The following CUX1 variants were observed in gnomAD, a reference collection of about 807,000 sequenced individuals.
The protein encoded by CUX1 is cut like homeobox 1, also known as protein CASP.
Under a neutral mutation model 158.8 loss-of-function variants are expected in CUX1, and 31 were observed. The observed-to-expected ratio is 0.20, with a 90% confidence interval of 0.15 to 0.26. CUX1 has a LOEUF of 0.26. Ranked by LOEUF, CUX1 falls within the 10% of genes least tolerant of loss-of-function variation. CUX1 has a pLI of 1.00. For missense variants in CUX1, 1,589 were observed against 2,014.6 expected (o/e 0.79, Z 4.04); for synonymous variants, 879 against 862.1 (o/e 1.02, Z -0.34).
rs1202561220 is a variant in CUX1 at position 101,984,127 on chromosome 7, TATACAC to T, written c.142-43969_142-43964del. 9.8e-4 allele frequency among the ~76,000 whole-genome samples: 28 copies of T among 28,550 alleles called. 1 individual carries two copies. The highest frequency in any genetic ancestry group is 3.3e-3 in the African/African-American group (28 of 8,378). The allele number at this position is 28,550 out of a possible 152,430, so 18.7% of individuals were successfully genotyped here. A position where few individuals can be genotyped will look rare whatever the true frequency, so the allele number is the denominator to read the frequency against. On this transcript the variant is annotated intron_variant, in intron 2 of 23. Coordinates refer to ENST00000292535, the MANE Select transcript of CUX1 (RefSeq NM_181552.4). ...ATATATATATATATATATATATATA[TATACAC>T]ACACACATATATATATGTGTGTGTG...
Position 102,257,807 on chromosome 7 carries a change from T to C in CUX1, c.*8765T>C, listed in dbSNP as rs573468223. 3.1e-4 allele frequency: 302 copies of C among 984,980 alleles called. No individual in the cohort carries two copies. The highest frequency in any genetic ancestry group is 3.6e-4 in the Non-Finnish European group (296 of 829,876). 61.0% of individuals were successfully genotyped at this position (984,980 alleles called of 1,614,324 possible). On this transcript the variant is annotated 3_prime_UTR_variant, in exon 24 of 24. Transcript: ENST00000292535. ...AAGTCTTAGATCTTTCTAGAGCTTG[T>C]TTGTTCATCCTCACAATCACAGATT...
chr7:102,233,013 A>T (rs551301530), intron 21 of CUX1, among the ~76,000 whole-genome samples: 1 of 152,140 alleles, frequency 6.6e-6, no homozygotes, highest in South Asian at 2.1e-4. Context: ...AACCTTGCTA[A>T]TTGTGGAAGG....
In CUX1 at chr7:101,837,828, CAAAAAAAAAAAAAAAAAAA is replaced by C. The variant is rs200090006; in HGVS notation, c.30+20171_30+20189del. 4.4e-3 allele frequency among the ~76,000 whole-genome samples: 195 copies of C among 44,390 alleles called. 1 individual carries two copies. The East Asian group carries it at 0.12, about 28-fold the overall frequency. 29.1% of individuals were successfully genotyped at this position (44,390 alleles called of 152,430 possible). On this transcript the variant is annotated intron_variant, in intron 1 of 23. Transcript: ENST00000292535. ...CCTGGGTGACAGAACGAGACCCTGT[CAAAAAAAAAAAAAAAAAAA>C]AAAAAAAAAAAGGATACCAAAATTC... is the stretch of plus-strand genomic sequence containing the variant.
At position 102,065,050 on chromosome 7, in the gene CUX1, G is replaced by T. The variant is rs1825388885; in HGVS notation, c.190-5289G>T. ...ACCACAGACTGGGTGAGCTGCAGAG[G>T]GAGGATGGACTAAACTCCAACTTCA... On this transcript the variant is annotated intron_variant, in intron 3 of 23. Transcript: ENST00000292535. 3.3e-5 allele frequency among the ~76,000 whole-genome samples: 5 copies of T among 152,108 alleles called. No individual in the cohort carries two copies. In the South Asian group the frequency reaches 1.0e-3, roughly 32 times the overall value.
chr7:101,870,998 A>C (rs1377939097), intron 1 of CUX1, among the ~76,000 whole-genome samples: 2 of 152,258 alleles, frequency 1.3e-5, no homozygotes, highest in East Asian at 3.8e-4. Context: ...CAGGGGCTGC[A>C]GATGAGTAGG....
intron 1 of CUX1, among the ~76,000 whole-genome samples, chr7:101,844,433 T>C (rs755573942): frequency 1.4e-4 from 22 of 152,136 alleles, no homozygotes; most frequent in Non-Finnish European, 2.5e-4. Context: ...GGATGTAAAA[T>C]TGTAGGTCAA....
intron 2 of CUX1, among the ~76,000 whole-genome samples, chr7:101,917,180 A>G (rs1328314132): frequency 6.6e-6 from 1 of 152,212 alleles, no homozygotes; most frequent in Non-Finnish European, 1.5e-5. Context: ...GCTCCTTTCT[A>G]GGAGAGATGC....
chr7:102,063,383 C>T (rs201658481), intron 3 of CUX1, among the ~76,000 whole-genome samples: 44 of 89,266 alleles, frequency 4.9e-4, no homozygotes, highest in Middle Eastern at 0.011. Flanking sequence ...ATTTCCTTTT[C>T]TTTTTTTTTT....
intron 3 of CUX1, among the ~76,000 whole-genome samples, chr7:102,044,959 G>A (rs1055076231): frequency 1.7e-4 from 26 of 152,200 alleles, no homozygotes; most frequent in Admixed American, 1.4e-3. Flanking sequence ...TTCTCAGCCA[G>A]TATGTCTGTC....
intron 4 of CUX1, among the ~76,000 whole-genome samples, chr7:102,091,091 A>C (rs1427601864): frequency 6.6e-6 from 1 of 152,042 alleles, no homozygotes; most frequent in African/African-American, 2.4e-5. Flanking sequence ...TTTGCCCATC[A>C]GTATATAGAT....
chr7:102,111,629 C>T, intron 6 of CUX1, 69 bp from the exon 7 acceptor site: 2 of 1,425,760 alleles, frequency 1.4e-6, no homozygotes, highest in Non-Finnish European at 9.9e-7. Context: ...TGAGCTCAGC[C>T]GAAAGGCACA....
At chr7:102,115,310 A>AT in intron 8 of CUX1, 37 bp downstream of exon 8, 4 of 1,576,784 alleles carry the variant, frequency 2.5e-6, no homozygotes, top group Non-Finnish European at 3.4e-6. Flanking sequence ...ATCCGTACAC[A>AT]TTTCTCACCT....
At chr7:101,821,854 T>G (rs1318060748) in intron 1 of CUX1, among the ~76,000 whole-genome samples, 5 of 139,194 alleles carry the variant, frequency 3.6e-5, no homozygotes, top group Admixed American at 1.4e-4. Context: ...TTTTTGTTTT[T>G]TTGTTTTTTT....
At chr7:101,827,520 A>G (rs1793479712) in intron 1 of CUX1, among the ~76,000 whole-genome samples, 1 of 151,974 alleles carries the variant, frequency 6.6e-6, no homozygotes, top group South Asian at 2.1e-4. Flanking sequence ...TTTGTTGCCC[A>G]GGCTGGTCTT....
chr7:101,829,871 G>C (rs926443632), intron 1 of CUX1, among the ~76,000 whole-genome samples: 2 of 151,918 alleles, frequency 1.3e-5, no homozygotes, highest in East Asian at 1.9e-4. Context: ...GCTGTAAGGA[G>C]CCCCCCTGTT....
intron 9 of CUX1, 103 bp downstream of exon 9, chr7:102,158,711 CA>C (rs1790071525): frequency 9.3e-7 from 1 of 1,072,192 alleles, no homozygotes; most frequent in East Asian, 2.4e-5. Context: ...GTTATCCTTC[CA>C]TTTTTTACTG....
intron 4 of CUX1, among the ~76,000 whole-genome samples, chr7:102,080,897 T>C (rs1554478500): frequency 6.6e-6 from 1 of 152,210 alleles, no homozygotes; most frequent in Admixed American, 6.5e-5. Context: ...AAACAAGCCC[T>C]AGACTGGCCC....
At chr7:102,223,141 G>A (rs1798004494) in intron 20 of CUX1, among the ~76,000 whole-genome samples, 1 of 151,846 alleles carries the variant, frequency 6.6e-6, no homozygotes, top group Non-Finnish European at 1.5e-5. Flanking sequence ...TGTGGGAAGT[G>A]GCCGGGCACA....
chr7:102,282,623 A>T, intron 21 of CUX1: 2 of 1,407,972 alleles, frequency 1.4e-6, no homozygotes, highest in Non-Finnish European at 2.0e-6. Flanking sequence ...GAGAACCTTT[A>T]TGTTCCAGGC....
Sources: gnomAD v4.1 joint callset for allele counts (sites outside exome capture counted in the v4.1 genomes callset) on GRCh38, gnomAD v4.1.1 for gene constraint, MANE v1.5 for transcripts, NCBI Gene and HGNC (gene_info 2026-07-23, HGNC 2026-07-21) for gene names.